USP9Y: variants seen among roughly 807,000 people sequenced by gnomAD.
USP9Y encodes the protein ubiquitin carboxyl-terminal hydrolase 9Y.
Under a neutral mutation model 53.1 loss-of-function variants are expected in USP9Y, and 41 were observed. That is an observed-to-expected ratio of 0.77 (90% CI 0.60 to 1.00). The LOEUF (loss-of-function observed/expected upper bound fraction) is 1.00, where lower values mean the gene tolerates loss of function less well. Among genes scored for constraint, USP9Y ranks in the 50% least tolerant of loss-of-function variants. The pLI is 0.00. For synonymous variants in USP9Y, 220 were observed against 173.7 expected (o/e 1.27, Z -2.09); for missense variants, 567 against 535.8 (o/e 1.06, Z -0.58).
At chrY:12,704,475 C>T (rs998001226) in intron 1 of USP9Y, among the ~76,000 whole-genome samples, 2 of 33,780 alleles carry the variant, frequency 5.9e-5, no homozygotes, top group African/African-American at 1.2e-4. Flanking sequence ...AAAGAAAACA[C>T]TCACAGATTT....
chrY:12,812,614 G>C, intron 30 of USP9Y, among the ~76,000 whole-genome samples: 1 of 33,174 alleles, frequency 3.0e-5, no homozygotes, highest in Non-Finnish European at 7.4e-5. Context: ...CTTTTCTTTG[G>C]TATAAAATTG....
At chrY:12,772,158 C>G in intron 16 of USP9Y, among the ~76,000 whole-genome samples, 1 of 33,294 alleles carries the variant, frequency 3.0e-5, no homozygotes, top group African/African-American at 1.2e-4. Flanking sequence ...CTTTACTCAT[C>G]ATGACAGCCT....
intron 45 of USP9Y, among the ~76,000 whole-genome samples, 165 bp from the exon 46 acceptor site, chrY:12,859,114 C>T (rs2053580726): frequency 3.1e-5 from 1 of 32,640 alleles, no homozygotes; most frequent in Non-Finnish European, 7.5e-5. Context: ...TCATATGGTA[C>T]TTCTTCTCTT....
At chrY:12,727,511 GTCACCCAATTTTGTATATTT>G (rs2053443678) in intron 7 of USP9Y, among the ~76,000 whole-genome samples, 2 of 33,187 alleles carry the variant, frequency 6.0e-5, no homozygotes, top group Non-Finnish European at 1.5e-4. Context: ...CTATGGAAAA[GTCACCCAATTTTGTATATTT>G]TCACTTTAAT....
chrY:12,784,058 A>G (rs755951284), intron 22 of USP9Y, among the ~76,000 whole-genome samples: 3 of 33,851 alleles, frequency 8.9e-5, no homozygotes. Context: ...ACTAGAAATA[A>G]GAGTTACTGA....
intron 42 of USP9Y, among the ~76,000 whole-genome samples, chrY:12,849,625 C>A: frequency 4.2e-5 from 1 of 23,531 alleles, no homozygotes; most frequent in African/African-American, 1.7e-4. Flanking sequence ...TCCATCAATA[C>A]CTAGTTTATT....
Position 12,838,023 on chromosome Y carries a change from G to A in USP9Y, c.5308G>A (p.Ala1770Thr). 1 of 381,492 alleles carries A rather than the reference G, an allele frequency of 2.6e-6. No individual in the cohort carries two copies. Residue 1770 changes from alanine (A) to threonine (T), a missense_variant, in exon 35 of 46, where the codon GCA becomes ACA. Ala to Thr is a moderately conservative substitution (Grantham distance 58). Coordinates refer to ENST00000338981, the MANE Select transcript of USP9Y (RefSeq NM_004654.4). ...IKGDLLEGAN[A>T]YHCEKCDKKV... The stretch of plus-strand genomic sequence containing the variant: ...AGGAGATTTATTGGAAGGTGCAAAT[G>A]CATATCATTGTGAAAAATGTGATAA...
Position 12,786,207 on chromosome Y carries a change from A to G in USP9Y, c.3156A>G (p.Arg1052=). ...RVLMKLMPPD[R]TAVEKLRAVC... is the part of the protein sequence containing the mutation. ...CTGTGTCTTTTTCCTTTGCAGATAG[A>G]ACAGCTGTAGAAAAATTACGAGCTG... Residue 1052 remains arginine (R), a synonymous_variant, in exon 23 of 46, where the codon AGA becomes AGG. Coordinates refer to ENST00000338981, the MANE Select transcript of USP9Y (RefSeq NM_004654.4). The G allele has an allele frequency of 1.8e-5, 7 of 398,294 alleles. No individual in the cohort carries two copies. The highest frequency in any genetic ancestry group is 2.5e-5 in the Non-Finnish European group (7 of 283,143).
chrY:12,783,977 C>T (rs962679397), intron 22 of USP9Y, among the ~76,000 whole-genome samples: 4 of 33,491 alleles, frequency 1.2e-4, no homozygotes, highest in Admixed American at 1.1e-3. Context: ...AGATAACCTC[C>T]TCTTCACTTA....
chrY:12,735,735 A>T lies in USP9Y; in HGVS notation c.773+8A>T. On this transcript the variant is annotated splice_region_variant and intron_variant, in intron 8 of 45. Transcript: ENST00000338981. ...AATTGCAGCTCTTATTAAGTAAGTT[A>T]TGTTTTCATGTTTGTTAAATAATTT... The T allele has an allele frequency of 9.3e-6, 3 of 322,854 alleles. No individual in the cohort carries two copies. The East Asian group carries it at 2.9e-4, about 31-fold the overall frequency. 80.5% of individuals were successfully genotyped at this position (322,854 alleles called of 400,897 possible).
Position 12,840,600 on chromosome Y carries a change from T to C in USP9Y, c.6074T>C (p.Leu2025Ser). Residue 2025 changes from leucine (L) to serine (S), a missense_variant, in exon 36 of 46, where the codon TTA becomes TCA. Transcript: ENST00000338981. ...KKLLTCNGVYLNPAPGQDYLL... is the reference protein window; with the variant it reads ...KKLLTCNGVYSNPAPGQDYLL... The stretch of plus-strand genomic sequence containing the variant: ...CTGCTTACATGTAATGGTGTTTATT[T>C]AAACCCTGCTCCAGGTAAGCTTTGA... The C allele has an allele frequency of 5.1e-6, 2 of 395,756 alleles. No individual in the cohort carries two copies. Among genetic ancestry groups the C allele is most frequent in the South Asian group, 5.9e-5 (2 of 33,736 alleles).
In USP9Y at chrY:12,831,234, A is replaced by G. The variant is rs1270797803; in HGVS notation, c.5022-2454A>G. Among the ~76,000 whole-genome samples the G allele has an allele frequency of 1.8e-4, 6 of 33,700 alleles. No homozygotes were observed. In the East Asian group the frequency reaches 4.6e-3, roughly 26 times the overall value. 90.4% of individuals were successfully genotyped at this position (33,700 alleles called of 37,273 possible). A position where few individuals can be genotyped will look rare whatever the true frequency, so the allele number is the denominator to read the frequency against. Reference sequence around the variant, plus strand: ...AAAGATTTGAATAAATGTTTTTTCAAGAAACATACAAATGGCTAAGAGGTA... The same window carrying G: ...AAAGATTTGAATAAATGTTTTTTCAGGAAACATACAAATGGCTAAGAGGTA... On this transcript the variant is annotated intron_variant, in intron 33 of 45. Transcript: ENST00000338981.
rs2053415993 is a variant in USP9Y, at chrY:12,701,556, T to C, written c.-620T>C. ...ATGAATTGTATTCATTTACTCATGA[T>C]GTAAAAATGGTTAGTCTCCACTTTT... On this transcript the variant is annotated 5_prime_UTR_variant, in exon 1 of 46. The change abolishes an upstream ATG in the 5' untranslated region. Transcript: ENST00000338981. The C allele has an allele frequency of 2.9e-5, 1 of 34,258 alleles. No individual in the cohort carries two copies. The highest frequency in any genetic ancestry group is 7.3e-5 in the Non-Finnish European group (1 of 13,727). The allele number at this position is 34,258 out of a possible 400,897, so 8.5% of individuals were successfully genotyped here. A position where few individuals can be genotyped will look rare whatever the true frequency, so the allele number is the denominator to read the frequency against.
chrY:12,787,355 G>A, intron 24 of USP9Y, among the ~76,000 whole-genome samples: 1 of 33,756 alleles, frequency 3.0e-5, no homozygotes, highest in Admixed American at 2.7e-4. Context: ...AAATGGTTCA[G>A]GGATACAGAT....
intron 42 of USP9Y, among the ~76,000 whole-genome samples, chrY:12,854,051 A>G (rs2053573599): frequency 3.0e-5 from 1 of 33,193 alleles, no homozygotes; most frequent in Non-Finnish European, 7.4e-5. Context: ...GAATTTTAAT[A>G]TAGCTTGTTT....
chrY:12,779,370 A>C (rs748047281), intron 21 of USP9Y, among the ~76,000 whole-genome samples, 156 bp from the exon 22 acceptor site: 1 of 33,916 alleles, frequency 2.9e-5, no homozygotes, highest in Admixed American at 2.7e-4. Flanking sequence ...ATCAATGTAA[A>C]AATAGTCATT....
At chrY:12,815,865 C>T (rs946451326) in intron 31 of USP9Y, among the ~76,000 whole-genome samples, 46 of 34,557 alleles carry the variant, frequency 1.3e-3, no homozygotes, top group Admixed American at 2.9e-3. Context: ...GCATGAGGCA[C>T]GGCACTGGCC....
rs1184971866 is a variant in USP9Y, at chrY:12,778,105, C to T, written c.2726C>T (p.Thr909Met). ...QVDELDIWSH[T>M]NDTIGSVRRC... The stretch of plus-strand genomic sequence containing the variant: ...GATGAGTTGGATATATGGTCTCATA[C>T]GAATGACACAATTGGTTCAGTACGG... The change falls in exon 20 of 46, where the codon ACG becomes ATG. Residue 909 changes from threonine to methionine, a missense_variant. By Grantham distance (81) the Thr-to-Met change is moderately conservative. Transcript: ENST00000338981. 4 of 397,096 alleles carry T rather than the reference C, an allele frequency of 1.0e-5. No homozygotes were observed. Among genetic ancestry groups the T allele is most frequent in the East Asian group, 9.3e-5 (1 of 10,791 alleles).
At chrY:12,816,499 A>T (rs2053536911) in intron 32 of USP9Y, among the ~76,000 whole-genome samples, 155 bp downstream of exon 32, 1 of 34,044 alleles carries the variant, frequency 2.9e-5, no homozygotes, top group Non-Finnish European at 7.3e-5. Flanking sequence ...TGTAGTACTC[A>T]CTATGTAATA....
Sources: allele counts gnomAD v4.1 joint callset (sites outside exome capture counted in the v4.1 genomes callset), GRCh38; gene constraint gnomAD v4.1.1; transcripts MANE v1.5; gene names NCBI Gene and HGNC (gene_info 2026-07-23, HGNC 2026-07-21).